Variants in TXNDC11 observed in about 807,000 individuals in gnomAD.
The protein encoded by TXNDC11 is thioredoxin domain containing 11.
In TXNDC11, 68 loss-of-function variants were observed where a neutral mutation model predicts 78.0. That is an observed-to-expected ratio of 0.87 (90% CI 0.72 to 1.07). The LOEUF (loss-of-function observed/expected upper bound fraction) is 1.07, where lower values mean the gene tolerates loss of function less well. Among genes scored for constraint, TXNDC11 ranks in the 50% least tolerant of loss-of-function variants. TXNDC11 has a pLI of 0.00. For synonymous variants in TXNDC11, 571 were observed against 495.2 expected (o/e 1.15, Z -2.03); for missense variants, 1,389 against 1,221.8 (o/e 1.14, Z -2.04).
At chr16:11,703,507 GAT>G (rs200902747) in intron 5 of TXNDC11, among the ~76,000 whole-genome samples, 1 of 107,684 alleles carries the variant, frequency 9.3e-6, no homozygotes, top group African/African-American at 4.4e-5. Context: ...TAAGGCTTTT[GAT>G]ACACACACAC....
chr16:11,736,654 G>A (rs764704885), intron 1 of TXNDC11, among the ~76,000 whole-genome samples: 8 of 152,134 alleles, frequency 5.3e-5, no homozygotes, highest in African/African-American at 1.4e-4. Context: ...AGATTTCCAC[G>A]GGAGATGCTT....
chr16:11,735,969 A>G (rs113139474), intron 2 of TXNDC11, 48 bp downstream of exon 2: 20 of 1,585,740 alleles, frequency 1.3e-5, no homozygotes, highest in African/African-American at 1.1e-4. Flanking sequence ...CCTGCCCTAC[A>G]TATAGGACTG....
At chr16:11,711,816 T>C (rs1258088187) in intron 5 of TXNDC11, among the ~76,000 whole-genome samples, 1 of 152,218 alleles carries the variant, frequency 6.6e-6, no homozygotes, top group Non-Finnish European at 1.5e-5. Flanking sequence ...TTTCTCCATC[T>C]GTGAAACTGG....
chr16:11,724,355 C>T (rs943597198), intron 4 of TXNDC11, among the ~76,000 whole-genome samples: 26 of 152,296 alleles, frequency 1.7e-4, no homozygotes, highest in African/African-American at 5.8e-4. Context: ...ATACCTAACA[C>T]AAATGATGTC....
At chr16:11,683,331 G>A (rs1259070144) in intron 11 of TXNDC11, among the ~76,000 whole-genome samples, 1 of 152,178 alleles carries the variant, frequency 6.6e-6, no homozygotes, top group Non-Finnish European at 1.5e-5. Flanking sequence ...TCCCATGGCG[G>A]ACGTTCACAG....
chr16:11,703,339 C>T lies in TXNDC11; in HGVS notation c.794-2775G>A, dbSNP rs559501978. ...CTTAAAGAGGTATAAGTTAGCAATTCTGAAACTATGAACTTATTTACTTCT... is the reference window on the plus strand; with the variant it reads ...CTTAAAGAGGTATAAGTTAGCAATTTTGAAACTATGAACTTATTTACTTCT... On this transcript the variant is annotated intron_variant, in intron 5 of 11. Transcript: ENST00000283033. 4.6e-5 allele frequency among the ~76,000 whole-genome samples: 7 copies of T among 152,230 alleles called. No homozygotes were observed. The South Asian group carries it at 1.5e-3, about 32-fold the overall frequency.
intron 5 of TXNDC11, chr16:11,703,790 G>C: frequency 1.4e-6 from 1 of 697,692 alleles, no homozygotes; most frequent in Non-Finnish European, 2.6e-6. Context: ...GAAATATCTT[G>C]TATCAGAAGT....
Position 11,679,967 on chromosome 16 carries a change from A to T in TXNDC11, c.2235-130T>A. ...GACGTTCCGTGGATTTTACTTACTG[A>T]AAGTAAGGAAAATGTTGCCTGGGCA... On this transcript the variant is annotated intron_variant, in intron 11 of 11. Coordinates refer to ENST00000283033, the MANE Select transcript of TXNDC11 (RefSeq NM_015914.7). This position sits in a 1 kb window ranked among gnomAD's most constrained non-coding sequence, Gnocchi z 4.6. The T allele has an allele frequency of 7.5e-6, 6 of 802,394 alleles. No individual in the cohort carries two copies. Among genetic ancestry groups the T allele is most frequent in the Non-Finnish European group, 1.2e-5 (6 of 511,290 alleles). 49.7% of individuals were successfully genotyped at this position (802,394 alleles called of 1,614,324 possible).
In TXNDC11 at chr16:11,704,932, C is replaced by T. The variant is rs147445833; in HGVS notation, c.794-4368G>A. ...TTTTCTTTCTTTTTTTTTTTTGAGA[C>T]AGATTCTTGTTCTGTCGCCCAGGCT... On this transcript the variant is annotated intron_variant, in intron 5 of 11. Coordinates refer to ENST00000283033, the MANE Select transcript of TXNDC11 (RefSeq NM_015914.7). 8.0e-4 allele frequency among the ~76,000 whole-genome samples: 119 copies of T among 149,370 alleles called. 3 individuals carry two copies. In the East Asian group the frequency reaches 0.017, roughly 22 times the overall value.
In TXNDC11 at chr16:11,679,108, T is replaced by G. The variant is rs772120791; in HGVS notation, c.*87A>C. On this transcript the variant is annotated 3_prime_UTR_variant, in exon 12 of 12. Transcript: ENST00000283033. The surrounding 1 kb of genome is among the most constrained non-coding windows in gnomAD (Gnocchi z 4.6). The stretch of plus-strand genomic sequence containing the variant: ...TTTTCTAGACCACTGAGAAAATCTT[T>G]ATTTACAATAAATTTCAATAAAATT... The G allele has an allele frequency of 6.5e-6, 9 of 1,393,984 alleles. No individual in the cohort carries two copies. Among genetic ancestry groups the G allele is most frequent in the Non-Finnish European group, 7.8e-6 (8 of 1,026,394 alleles). 86.4% of individuals were successfully genotyped at this position (1,393,984 alleles called of 1,614,324 possible).
chr16:11,696,224 G>C (rs73517664), intron 7 of TXNDC11, among the ~76,000 whole-genome samples: 13,186 of 152,006 alleles, frequency 0.087, 1,207 homozygotes, highest in African/African-American at 0.22. Flanking sequence ...TCTCTGCTCA[G>C]GGTCCTCCTT....
In TXNDC11 at chr16:11,692,048, T is replaced by G; in HGVS notation, c.1142A>C (p.His381Pro). ...GAGACGCTCCACCACCTGGTCCCCA[T>G]GACAGTTGTTGTACTCCAAGGCCAC... is the stretch of plus-strand genomic sequence containing the variant. ...TEVALEYNNC[H>P]GDQVVERLLQ... The change falls in exon 8 of 12, where the codon CAT (histidine) becomes CCT (proline). Residue 381 changes from histidine to proline, a missense_variant. Transcript: ENST00000283033. 1 of 1,537,702 alleles carries G rather than the reference T, an allele frequency of 6.5e-7. No individual in the cohort carries two copies. The highest frequency in any genetic ancestry group is 1.4e-5 in the African/African-American group (1 of 72,588).
chr16:11,738,455 T>C lies in TXNDC11; in HGVS notation c.255-2222A>G, dbSNP rs183964215. Among the ~76,000 whole-genome samples the C allele has an allele frequency of 3.9e-5, 6 of 152,294 alleles. No individual in the cohort carries two copies. The East Asian group carries it at 1.2e-3, about 29-fold the overall frequency. On this transcript the variant is annotated intron_variant, in intron 1 of 11. Coordinates refer to ENST00000283033, the MANE Select transcript of TXNDC11 (RefSeq NM_015914.7). Reference sequence around the variant, plus strand: ...GCGTGTTGTCGAGGAGACCACTTTCTAGGGGAGGAAGACAGGAAAAACATC... The same window carrying C: ...GCGTGTTGTCGAGGAGACCACTTTCCAGGGGAGGAAGACAGGAAAAACATC...
chr16:11,691,477 G>A lies in TXNDC11; in HGVS notation c.1713C>T (p.Gly571=), dbSNP rs1329360274. Residue 571 remains glycine (G), a synonymous_variant, in exon 8 of 12, where the codon GGC becomes GGT. Coordinates refer to ENST00000283033, the MANE Select transcript of TXNDC11 (RefSeq NM_015914.7). ...GAGTCTTGTTGGTTCTGCAGCTCAG[G>A]CCTGTGAAGTTTGTGCTAGTCATGT... The part of the protein sequence containing the change: ...EVDMTSTNFT[G]LSCRTNKTLN... 1.2e-6 allele frequency: 2 copies of A among 1,614,202 alleles called. No homozygotes were observed. The highest frequency in any genetic ancestry group is 4.5e-5 in the East Asian group (2 of 44,890).
At chr16:11,738,417 G>A (rs569444316) in intron 1 of TXNDC11, among the ~76,000 whole-genome samples, 7 of 152,290 alleles carry the variant, frequency 4.6e-5, no homozygotes, top group Admixed American at 2.0e-4. Flanking sequence ...CTAAGGCTGC[G>A]GCAGCTAGCA....
At chr16:11,719,026 A>C (rs1272067700) in intron 5 of TXNDC11, among the ~76,000 whole-genome samples, 1 of 152,220 alleles carries the variant, frequency 6.6e-6, no homozygotes, top group Non-Finnish European at 1.5e-5. Context: ...TCTTATTAGA[A>C]GGGTATTCCT....
chr16:11,699,222 C>A (rs1239317288), intron 6 of TXNDC11, among the ~76,000 whole-genome samples: 1 of 145,668 alleles, frequency 6.9e-6, no homozygotes, highest in Non-Finnish European at 1.5e-5. Flanking sequence ...AACCAACCAA[C>A]CTTAATCACT....
chr16:11,728,396 C>T (rs1324191291), intron 4 of TXNDC11, among the ~76,000 whole-genome samples: 1 of 152,184 alleles, frequency 6.6e-6, no homozygotes, highest in African/African-American at 2.4e-5. Flanking sequence ...AAAGATGATA[C>T]TAACCCGATA....
In TXNDC11 at chr16:11,698,468, C is replaced by T. The variant is rs2050920718; in HGVS notation, c.907-143G>A. On this transcript the variant is annotated intron_variant, in intron 6 of 11. Coordinates refer to ENST00000283033, the MANE Select transcript of TXNDC11 (RefSeq NM_015914.7). ...GGGCCTGGCCCCACTGTGCAGCTAACACCCGCTTCTCCAGAGACAGCATTT... is the reference window on the plus strand; with the variant it reads ...GGGCCTGGCCCCACTGTGCAGCTAATACCCGCTTCTCCAGAGACAGCATTT... The T allele has an allele frequency of 7.4e-6, 5 of 673,828 alleles. No homozygotes were observed. In the East Asian group the frequency reaches 8.1e-5, roughly 11 times the overall value. 41.7% of individuals were successfully genotyped at this position (673,828 alleles called of 1,614,324 possible).
Sources: gnomAD v4.1 joint callset for allele counts (sites outside exome capture counted in the v4.1 genomes callset) on GRCh38, gnomAD v4.1.1 for gene constraint, Gnocchi (gnomAD v3.1) non-coding constraint, MANE v1.5 for transcripts, NCBI Gene and HGNC (gene_info 2026-07-23, HGNC 2026-07-21) for gene names.